DGLUCY: variants seen among roughly 807,000 people sequenced by gnomAD.
DGLUCY encodes the protein D-glutamate cyclase.
Under a neutral mutation model 58.5 loss-of-function variants are expected in DGLUCY, and 58 were observed. That is an observed-to-expected ratio of 0.99 (90% CI 0.80 to 1.23). DGLUCY has a LOEUF of 1.23. DGLUCY is among the 50% of genes most tolerant of loss of function. DGLUCY has a pLI of 0.00. For missense variants in DGLUCY, 779 were observed against 784.7 expected (o/e 0.99, Z 0.09); for synonymous variants, 325 against 314.1 (o/e 1.03, Z -0.37).
intron 9 of DGLUCY, among the ~76,000 whole-genome samples, chr14:91,192,920 A>G (rs923063824): frequency 1.3e-5 from 2 of 152,222 alleles, no homozygotes; most frequent in African/African-American, 4.8e-5. Flanking sequence ...TATTAGACAC[A>G]CAGTGGAGAA....
At chr14:91,158,037 G>C (rs1282800198) in intron 2 of DGLUCY, among the ~76,000 whole-genome samples, 1 of 152,176 alleles carries the variant, frequency 6.6e-6, no homozygotes, top group Non-Finnish European at 1.5e-5. Flanking sequence ...ACGGTTATCA[G>C]AGGAGTGGCT....
chr14:91,143,278 G>A (rs2046833812), intron 1 of DGLUCY, among the ~76,000 whole-genome samples: 1 of 151,786 alleles, frequency 6.6e-6, no homozygotes, highest in Non-Finnish European at 1.5e-5. Flanking sequence ...TGTATTTTTA[G>A]TAGAGACGGG....
At chr14:91,101,367 C>A (rs929522992) in intron 1 of DGLUCY, among the ~76,000 whole-genome samples, 2 of 152,074 alleles carry the variant, frequency 1.3e-5, no homozygotes, top group Admixed American at 6.6e-5. Flanking sequence ...CTTTTAGAAA[C>A]CTTATGTAAG....
chr14:91,142,840 A>AC (rs2046785072), intron 1 of DGLUCY, among the ~76,000 whole-genome samples: 5 of 124,226 alleles, frequency 4.0e-5, no homozygotes, highest in African/African-American at 1.5e-4. Context: ...ATCTCTACTA[A>AC]ACACACACAC....
Position 91,167,662 on chromosome 14 carries a change from C to A in DGLUCY, c.257+284C>A, listed in dbSNP as rs377375288. The A allele has an allele frequency of 7.6e-4, 536 of 704,094 alleles. No homozygotes were observed. In the African/African-American group the frequency reaches 7.7e-3, roughly 10 times the overall value. The allele number at this position is 704,094 out of a possible 1,614,324, so 43.6% of individuals were successfully genotyped here. A position where few individuals can be genotyped will look rare whatever the true frequency, so the allele number is the denominator to read the frequency against. On this transcript the variant is annotated intron_variant, in intron 4 of 13. Coordinates refer to ENST00000256324, the MANE Select transcript of DGLUCY (RefSeq NM_001102368.3). The stretch of plus-strand genomic sequence containing the variant: ...TCTGCCATCTGTCCACTCCATCGCC[C>A]AAGCCAGAAACCCGCCTGTACAGGA...
At chr14:91,223,805 C>A in intron 13 of DGLUCY, 1 of 886,906 alleles carries the variant, frequency 1.1e-6, no homozygotes, top group Non-Finnish European at 1.5e-6. Flanking sequence ...TGTACGTAAT[C>A]CTCAGAACAA....
chr14:91,086,163 A>G (rs2044215353), intron 1 of DGLUCY, among the ~76,000 whole-genome samples: 4 of 152,190 alleles, frequency 2.6e-5, no homozygotes, highest in Admixed American at 2.6e-4. Flanking sequence ...CATCACCCCC[A>G]GATGGAACTG....
upstream of DGLUCY, among the ~76,000 whole-genome samples, chr14:91,111,875 T>G (rs2044707727): frequency 6.6e-6 from 1 of 152,254 alleles, no homozygotes; most frequent in African/African-American, 2.4e-5. Flanking sequence ...TGTGTATGTA[T>G]CACATGTTGT....
chr14:91,103,070 G>A (rs529011916), upstream of DGLUCY, among the ~76,000 whole-genome samples: 9 of 151,962 alleles, frequency 5.9e-5, no homozygotes, highest in South Asian at 8.3e-4. Flanking sequence ...CACCCCCTCC[G>A]TTCTTGATCT....
At chr14:91,136,614 G>T (rs2046351889) in intron 1 of DGLUCY, among the ~76,000 whole-genome samples, 1 of 151,736 alleles carries the variant, frequency 6.6e-6, no homozygotes, top group African/African-American at 2.4e-5. Flanking sequence ...AATCTGGGAG[G>T]AAGCGGTTGC....
At chr14:91,223,473 G>A (rs960277759) in intron 13 of DGLUCY, among the ~76,000 whole-genome samples, 1 of 152,138 alleles carries the variant, frequency 6.6e-6, no homozygotes, top group African/African-American at 2.4e-5. Flanking sequence ...GAAGGAAGAG[G>A]AGGAGGAGGA....
chr14:91,101,269 C>T (rs936086363), intron 1 of DGLUCY, among the ~76,000 whole-genome samples: 6 of 152,100 alleles, frequency 3.9e-5, no homozygotes, highest in African/African-American at 1.2e-4. Flanking sequence ...ACTTCATGCT[C>T]CTTGGTTAGG....
chr14:91,199,820 A>T lies in DGLUCY; in HGVS notation c.1359A>T (p.Ala453=), dbSNP rs1168947331. The T allele has an allele frequency of 6.2e-7, 1 of 1,614,188 alleles. No individual in the cohort carries two copies. ...GRAADGNYYN[A]RKMNIKHLVD... is the part of the protein sequence containing the mutation. ...CTGCTGATGGCAATTACTACAATGC[A>T]AGGAAGATGAACATCAAGCACTTGG... Residue 453 remains alanine, a synonymous_variant, in exon 11 of 14, where the codon GCA becomes GCT. Transcript: ENST00000256324.
intron 1 of DGLUCY, among the ~76,000 whole-genome samples, chr14:91,108,526 T>TGTGTGTGTGTGTGAGAGAGAGAGAGA (rs1265665234): frequency 1.9e-5 from 1 of 52,122 alleles, no homozygotes. Context: ...TGTGTGTGTG[T>TGTGTGTGTGTGTGAGAGAGAGAGAGA]GAGAGAGAGA....
intron 1 of DGLUCY, among the ~76,000 whole-genome samples, chr14:91,153,125 T>A (rs1483152067): frequency 6.6e-6 from 1 of 152,204 alleles, no homozygotes; most frequent in Non-Finnish European, 1.5e-5. Context: ...CCGCCTTTTC[T>A]CAGCTGCCTT....
At chr14:91,117,520 C>T (rs959475158) in intron 1 of DGLUCY, among the ~76,000 whole-genome samples, 1 of 152,136 alleles carries the variant, frequency 6.6e-6, no homozygotes, top group Non-Finnish European at 1.5e-5. Flanking sequence ...CTGAATCATC[C>T]TGTGCTTCCT....
At chr14:91,203,564 C>T (rs901178460) in intron 11 of DGLUCY, among the ~76,000 whole-genome samples, 2 of 152,160 alleles carry the variant, frequency 1.3e-5, no homozygotes, top group Non-Finnish European at 2.9e-5. Flanking sequence ...TTCAGCTGAA[C>T]ATCTAGTTTA....
chr14:91,196,958 G>T (rs543122859), intron 10 of DGLUCY, among the ~76,000 whole-genome samples: 2 of 152,050 alleles, frequency 1.3e-5, no homozygotes, highest in Admixed American at 6.6e-5. Flanking sequence ...GTGTGTTATG[G>T]TCAAACTTTT....
intron 1 of DGLUCY, among the ~76,000 whole-genome samples, chr14:91,151,584 C>G (rs1245794702): frequency 6.6e-6 from 1 of 151,218 alleles, no homozygotes; most frequent in Non-Finnish European, 1.5e-5. Context: ...AGTGACAAAA[C>G]ATTTCAAGAA....
Sources: gnomAD v4.1 joint callset for allele counts (sites outside exome capture counted in the v4.1 genomes callset) on GRCh38, gnomAD v4.1.1 for gene constraint, MANE v1.5 for transcripts, NCBI Gene and HGNC (gene_info 2026-07-23, HGNC 2026-07-21) for gene names.